GLYATL1: variants seen among roughly 807,000 people sequenced by gnomAD.
The protein encoded by GLYATL1 is glycine N-acyltransferase-like protein 1.
In GLYATL1, 15 loss-of-function variants were observed where a neutral mutation model predicts 20.0. The ratio of observed to expected loss-of-function variants is 0.75; its 90% CI spans 0.50 to 1.15. GLYATL1 has a LOEUF of 1.15. Among genes scored for constraint, GLYATL1 ranks in the 50% most tolerant of loss-of-function variants. The pLI is 0.00. For missense variants in GLYATL1, 380 were observed against 368.5 expected (o/e 1.03, Z -0.26); for synonymous variants, 151 against 131.5 (o/e 1.15, Z -1.01).
At chr11:58,943,742 GATCCAAACTGGGTTTGGAGTC>G in intron 2 of GLYATL1, 76 bp downstream of exon 2, 5 of 1,571,230 alleles carry the variant, frequency 3.2e-6, no homozygotes, top group Non-Finnish European at 3.4e-6. Flanking sequence ...GCAAATTTCT[GATCCAAACTGGGTTTGGAGTC>G]ACAACAGGAA....
At chr11:58,905,851 T>C (rs1431815519) in intron 1 of GLYATL1, among the ~76,000 whole-genome samples, 2 of 152,352 alleles carry the variant, frequency 1.3e-5, no homozygotes, top group East Asian at 3.9e-4. Context: ...TCAATCACTG[T>C]CTGGAGTGAT....
chr11:58,951,823 T>G (rs2135256904), intron 4 of GLYATL1, among the ~76,000 whole-genome samples: 1 of 152,292 alleles, frequency 6.6e-6, no homozygotes, highest in East Asian at 1.9e-4. Context: ...TTGTTATTGC[T>G]TTGTGTTTGT....
intron 1 of GLYATL1, among the ~76,000 whole-genome samples, chr11:58,906,840 C>T (rs1455949694): frequency 2.0e-5 from 3 of 152,122 alleles, no homozygotes; most frequent in East Asian, 1.9e-4. Flanking sequence ...GCCACATAGA[C>T]GGTTGTTTAA....
chr11:58,955,782 A>G lies in GLYATL1; in HGVS notation c.664A>G (p.Thr222Ala), dbSNP rs1276975435. ...AGAGGGAGTCCCGGTCTCATGGGTA[A>G]CCATGGACCCTTCTTGTGAAGTAGG... ...GPEGVPVSWVTMDPSCEVGMA... is the reference protein window; with the variant it reads ...GPEGVPVSWVAMDPSCEVGMA... Residue 222 changes from threonine (T) to alanine (A), a missense_variant, in exon 7 of 7, where the codon ACC (threonine) becomes GCC (alanine). Transcript: ENST00000532726. The G allele has an allele frequency of 3.1e-6, 5 of 1,614,070 alleles. No homozygotes were observed. The Admixed American group carries it at 8.3e-5, about 27-fold the overall frequency.
At chr11:58,916,360 T>C (rs1855171624) in intron 1 of GLYATL1, among the ~76,000 whole-genome samples, 1 of 152,188 alleles carries the variant, frequency 6.6e-6, no homozygotes, top group African/African-American at 2.4e-5. Context: ...GGGCTGAAAG[T>C]ACGATTACCC....
At chr11:58,917,469 G>T (rs1401118867) in intron 1 of GLYATL1, among the ~76,000 whole-genome samples, 3 of 152,206 alleles carry the variant, frequency 2.0e-5, no homozygotes, top group African/African-American at 7.2e-5. Context: ...AAACGTAGTG[G>T]CATGCAAGCA....
At position 58,955,898 on chromosome 11, in the gene GLYATL1, T is replaced by C; in HGVS notation, c.780T>C (p.Ile260=). Residue 260 remains isoleucine (I), a synonymous_variant, in exon 7 of 7, where the codon ATT becomes ATC. Transcript: ENST00000532726. The part of the protein sequence containing the change: ...RYMKYLRQKN[I]PFYISVLEEN... ...TGAAATATCTGCGTCAGAAGAATATTCCATTTTACATCTCTGTGTTGGAAG... is the reference window on the plus strand; with the variant it reads ...TGAAATATCTGCGTCAGAAGAATATCCCATTTTACATCTCTGTGTTGGAAG... 1 of 1,614,176 alleles carries C rather than the reference T, an allele frequency of 6.2e-7. No individual in the cohort carries two copies.
chr11:58,947,392 C>A (rs989216935), intron 3 of GLYATL1: 9 of 574,896 alleles, frequency 1.6e-5, no homozygotes, highest in Non-Finnish European at 2.7e-5. Flanking sequence ...GGCAGTGGAG[C>A]ATGGTGGCTA....
chr11:58,911,130 A>T (rs1157264732), downstream of GLYATL1, among the ~76,000 whole-genome samples: 1 of 152,184 alleles, frequency 6.6e-6, no homozygotes, highest in Non-Finnish European at 1.5e-5. Context: ...TTTAAGATTC[A>T]TGAGTATTGT....
downstream of GLYATL1, among the ~76,000 whole-genome samples, chr11:58,910,050 T>A (rs536989588): frequency 6.6e-6 from 1 of 152,284 alleles, no homozygotes; most frequent in South Asian, 2.1e-4. Flanking sequence ...TCTCTTGCCA[T>A]CTAATTGTCC....
Position 58,955,876 on chromosome 11 carries a change from A to G in GLYATL1, c.758A>G (p.Lys253Arg), listed in dbSNP as rs183818648. The G allele has an allele frequency of 7.6e-5, 122 of 1,614,208 alleles. No homozygotes were observed. In the Middle Eastern group the frequency reaches 8.3e-4, roughly 11 times the overall value. Reference sequence around the variant, plus strand: ...GCACGAGTGATGGTGCGATACATGAAATATCTGCGTCAGAAGAATATTCCA... The same window carrying G: ...GCACGAGTGATGGTGCGATACATGAGATATCTGCGTCAGAAGAATATTCCA... The part of the protein sequence containing the change: ...NMARVMVRYM[K>R]YLRQKNIPFY... Residue 253 changes from lysine to arginine, a missense_variant, in exon 7 of 7, where the codon AAA becomes AGA. Physicochemically the swap from Lys to Arg is conservative, Grantham distance 26. Coordinates refer to ENST00000532726, the MANE Select transcript of GLYATL1 (RefSeq NM_001389712.2).
downstream of GLYATL1, among the ~76,000 whole-genome samples, chr11:58,911,971 T>G (rs1565116669): frequency 6.6e-6 from 1 of 152,138 alleles, no homozygotes; most frequent in Non-Finnish European, 1.5e-5. Flanking sequence ...TGTGATTGAT[T>G]TAAGTTTTTT....
At chr11:58,943,243 T>TA in intron 1 of GLYATL1, 1 of 1,505,478 alleles carries the variant, frequency 6.6e-7, no homozygotes, top group Non-Finnish European at 8.8e-7. Flanking sequence ...CCTGTAACAA[T>TA]ACTCCAGTGT....
intron 3 of GLYATL1, 167 bp from the exon 4 acceptor site, chr11:58,947,691 T>G: frequency 1.7e-6 from 1 of 589,750 alleles, no homozygotes; most frequent in Non-Finnish European, 3.0e-6. Context: ...TGCTGGTAAC[T>G]TCACGTCCAT....
chr11:58,943,299 A>G, intron 1 of GLYATL1: 1 of 1,550,358 alleles, frequency 6.5e-7, no homozygotes, highest in Non-Finnish European at 8.7e-7. Context: ...AGACTGCTGA[A>G]TGTTCAAACT....
Position 58,956,051 on chromosome 11 carries a change from C to T in GLYATL1, c.*24C>T. The T allele has an allele frequency of 6.3e-7, 1 of 1,585,776 alleles. No individual in the cohort carries two copies. Among genetic ancestry groups the T allele is most frequent in the Non-Finnish European group, 8.6e-7 (1 of 1,159,238 alleles). ...AGACAATGAAGCTGCTTAGTAATCTCTGCCAAGCCATCTCTTAATATTAAA... is the reference window on the plus strand; with the variant it reads ...AGACAATGAAGCTGCTTAGTAATCTTTGCCAAGCCATCTCTTAATATTAAA... On this transcript the variant is annotated 3_prime_UTR_variant, in exon 7 of 7. Coordinates refer to ENST00000532726, the MANE Select transcript of GLYATL1 (RefSeq NM_001389712.2).
chr11:58,954,660 G>A, intron 4 of GLYATL1, 110 bp from the exon 5 acceptor site: 1 of 948,388 alleles, frequency 1.1e-6, no homozygotes. Context: ...AGCCATCATG[G>A]GCCACTGTTA....
chr11:58,943,422 G>A (rs193061224), intron 1 of GLYATL1, 121 bp from the exon 2 acceptor site: 38 of 1,526,666 alleles, frequency 2.5e-5, no homozygotes, highest in East Asian at 1.5e-4. Context: ...TTTTGACCAC[G>A]AGGCACCCCC....
At chr11:58,945,558 GT>G (rs1032339626) in intron 2 of GLYATL1, among the ~76,000 whole-genome samples, 4 of 152,124 alleles carry the variant, frequency 2.6e-5, no homozygotes, top group African/African-American at 9.7e-5. Context: ...TGGAACACAA[GT>G]TTTTTTGCGG....
Sources: allele counts gnomAD v4.1 joint callset (sites outside exome capture counted in the v4.1 genomes callset), GRCh38; gene constraint gnomAD v4.1.1; transcripts MANE v1.5; gene names NCBI Gene and HGNC (gene_info 2026-07-23, HGNC 2026-07-21).